SRGAP3: variants seen among roughly 807,000 people sequenced by gnomAD.
SRGAP3 encodes the protein SLIT-ROBO Rho GTPase-activating protein 3.
Under a neutral mutation model 121.1 loss-of-function variants are expected in SRGAP3, and 39 were observed. That is an observed-to-expected ratio of 0.32 (90% CI 0.25 to 0.42). The LOEUF (loss-of-function observed/expected upper bound fraction) is 0.42. Ranked by LOEUF, SRGAP3 falls within the 10% of genes least tolerant of loss-of-function variation. The probability of loss-of-function intolerance (pLI) is 1.00; values close to 1 mark genes in which losing one functional copy is unlikely to be tolerated. For missense variants in SRGAP3, 1,213 were observed against 1,470.6 expected, an observed-to-expected ratio of 0.82 and a Z score of 2.86; for synonymous variants, 601 against 570.0, an observed-to-expected ratio of 1.05 and a Z score of -0.77.
intron 3 of SRGAP3, among the ~76,000 whole-genome samples, chr3:9,286,159 C>T (rs2125267806): frequency 7.4e-6 from 1 of 135,492 alleles, no homozygotes; most frequent in South Asian, 2.3e-4. Flanking sequence ...CACACACACA[C>T]ACATTTATCT....
intron 3 of SRGAP3, among the ~76,000 whole-genome samples, chr3:9,262,809 C>T (rs543287575): frequency 9.2e-5 from 14 of 152,200 alleles, no homozygotes; most frequent in African/African-American, 3.4e-4. Context: ...TTAGACAGAT[C>T]AACAAAACAG....
chr3:9,281,224 C>T (rs1281566438), intron 3 of SRGAP3, among the ~76,000 whole-genome samples: 1 of 152,144 alleles, frequency 6.6e-6, no homozygotes, highest in Non-Finnish European at 1.5e-5. Flanking sequence ...GCAGCATGGC[C>T]AGCTTTTAAA....
At chr3:9,019,307 T>G (rs915768687) in intron 14 of SRGAP3, among the ~76,000 whole-genome samples, 4 of 152,240 alleles carry the variant, frequency 2.6e-5, no homozygotes, top group African/African-American at 9.6e-5. Flanking sequence ...CTATGCCATT[T>G]TATATTCCTA....
intron 1 of SRGAP3, among the ~76,000 whole-genome samples, chr3:9,202,779 T>C (rs1275804061): frequency 1.3e-5 from 2 of 152,256 alleles, no homozygotes; most frequent in Non-Finnish European, 2.9e-5. Context: ...CTGGAGTCCA[T>C]GCCCCATGCC....
chr3:9,107,834 C>T (rs988138119), intron 2 of SRGAP3, among the ~76,000 whole-genome samples: 1 of 152,214 alleles, frequency 6.6e-6, no homozygotes, highest in Non-Finnish European at 1.5e-5. Context: ...GGGATCACTT[C>T]TATTGTGTCA....
intron 1 of SRGAP3, among the ~76,000 whole-genome samples, chr3:9,339,976 T>C (rs538674670): frequency 6.6e-5 from 10 of 152,218 alleles, no homozygotes; most frequent in East Asian, 3.9e-4. Flanking sequence ...AATCTCACCA[T>C]GGGTCATCAG....
chr3:9,333,434 C>G (rs1955641665), intron 1 of SRGAP3, among the ~76,000 whole-genome samples: 1 of 152,174 alleles, frequency 6.6e-6, no homozygotes, highest in African/African-American at 2.4e-5. Flanking sequence ...TCTCATATTT[C>G]TTGGTCTGTT....
At chr3:9,063,375 C>A (rs915860116) in intron 5 of SRGAP3, among the ~76,000 whole-genome samples, 1 of 152,078 alleles carries the variant, frequency 6.6e-6, no homozygotes, top group Non-Finnish European at 1.5e-5. Context: ...ACTATCTGAC[C>A]ACCTTGGCCT....
At chr3:9,132,963 T>G (rs1949512729) in intron 1 of SRGAP3, among the ~76,000 whole-genome samples, 1 of 151,040 alleles carries the variant, frequency 6.6e-6, no homozygotes, top group African/African-American at 2.4e-5. Flanking sequence ...ACTACCATGA[T>G]CGTGTGCATC....
At chr3:9,016,715 T>C (rs1043137638) in intron 14 of SRGAP3, among the ~76,000 whole-genome samples, 13 of 152,242 alleles carry the variant, frequency 8.5e-5, no homozygotes, top group African/African-American at 3.1e-4. Flanking sequence ...CCAATGGTTT[T>C]AGCATCCAGT....
chr3:9,266,663 T>TG (rs1417818028), intron 3 of SRGAP3, among the ~76,000 whole-genome samples: 3 of 127,990 alleles, frequency 2.3e-5, no homozygotes, highest in Non-Finnish European at 3.7e-5. Context: ...GTTTTGGTTT[T>TG]TGGGTTTTTT....
intron 1 of SRGAP3, among the ~76,000 whole-genome samples, chr3:9,355,093 C>G (rs867663548): frequency 1.8e-4 from 28 of 152,334 alleles, no homozygotes; most frequent in African/African-American, 6.7e-4. Context: ...GGCCATGCAT[C>G]TGTCAGCAGG....
intron 1 of SRGAP3, among the ~76,000 whole-genome samples, chr3:9,160,987 A>G (rs1270475833): frequency 6.6e-6 from 1 of 152,186 alleles, no homozygotes; most frequent in African/African-American, 2.4e-5. Flanking sequence ...CACATAAAGG[A>G]GAGGTAAAAG....
intron 1 of SRGAP3, among the ~76,000 whole-genome samples, chr3:9,136,463 G>A (rs1442337968): frequency 7.1e-6 from 1 of 140,798 alleles, no homozygotes; most frequent in Non-Finnish European, 1.5e-5. Context: ...GGCTGAAAGC[G>A]GGCTCCTAAG....
intron 2 of SRGAP3, among the ~76,000 whole-genome samples, chr3:9,110,516 C>T (rs1226397930): frequency 6.6e-6 from 1 of 152,246 alleles, no homozygotes; most frequent in Non-Finnish European, 1.5e-5. Context: ...AGGCTGTGGC[C>T]GGAGGGCTGG....
intron 8 of SRGAP3, among the ~76,000 whole-genome samples, chr3:9,055,181 G>A (rs933591629): frequency 6.6e-6 from 1 of 152,306 alleles, no homozygotes; most frequent in East Asian, 1.9e-4. Context: ...GGACTGCACT[G>A]ATTTGCTATC....
chr3:9,045,504 G>GTGATAA (rs1225727146), intron 10 of SRGAP3, among the ~76,000 whole-genome samples: 1 of 151,802 alleles, frequency 6.6e-6, no homozygotes, highest in Non-Finnish European at 1.5e-5. Context: ...ACTAAGTATG[G>GTGATAA]TGATAATGAT....
chr3:9,239,739 T>C lies in SRGAP3; in HGVS notation c.67+9146A>G, dbSNP rs979652344. 6.6e-6 allele frequency among the ~76,000 whole-genome samples: 1 copy of C among 152,192 alleles called. No homozygotes were observed. The highest frequency in any genetic ancestry group is 6.5e-5 in the Admixed American group (1 of 15,276). ...AATTGGAAATGTCAAAATCCACATT[T>C]CCTAGGTGAACTCAAAGCACTACAT... On this transcript the variant is annotated intron_variant, in intron 1 of 21. Coordinates refer to ENST00000383836, the MANE Select transcript of SRGAP3 (RefSeq NM_014850.4). This position sits in a 1 kb window ranked among gnomAD's most constrained non-coding sequence, Gnocchi z 4.0.
chr3:9,136,335 A>G (rs1949650471), intron 1 of SRGAP3, among the ~76,000 whole-genome samples: 1 of 151,280 alleles, frequency 6.6e-6, no homozygotes, highest in Non-Finnish European at 1.5e-5. Context: ...GGCTGGAGGC[A>G]GCAGATGCCG....
Sources: gnomAD v4.1 joint callset for allele counts (sites outside exome capture counted in the v4.1 genomes callset) on GRCh38, gnomAD v4.1.1 for gene constraint, Gnocchi (gnomAD v3.1) non-coding constraint, MANE v1.5 for transcripts, NCBI Gene and HGNC (gene_info 2026-07-23, HGNC 2026-07-21) for gene names.